CALB2: variants seen among roughly 807,000 people sequenced by gnomAD.
CALB2 encodes calretinin.
Under a neutral mutation model 45.9 loss-of-function variants are expected in CALB2, and 34 were observed. The ratio of observed to expected loss-of-function variants is 0.74; its 90% CI spans 0.56 to 0.99. CALB2 has a LOEUF of 0.99. Among genes scored for constraint, CALB2 ranks in the 50% least tolerant of loss-of-function variants. The pLI is 0.00. For synonymous variants in CALB2, 142 were observed against 129.6 expected (o/e 1.10, Z -0.65); for missense variants, 344 against 339.3 (o/e 1.01, Z -0.11).
intron 1 of CALB2, among the ~76,000 whole-genome samples, chr16:71,369,611 G>A (rs975498961): frequency 5.3e-5 from 8 of 152,048 alleles, no homozygotes; most frequent in Admixed American, 2.6e-4. Flanking sequence ...TCCTGTGTCC[G>A]CCCAGCCCTG....
intron 7 of CALB2, among the ~76,000 whole-genome samples, 155 bp from the exon 8 acceptor site, chr16:71,384,184 C>G (rs2042536357): frequency 6.6e-6 from 1 of 151,966 alleles, no homozygotes; most frequent in South Asian, 2.1e-4. Flanking sequence ...CTCACCTTGT[C>G]TGTCTCCCTC....
At chr16:71,361,215 G>C (rs762741647) in intron 1 of CALB2, among the ~76,000 whole-genome samples, 1 of 152,136 alleles carries the variant, frequency 6.6e-6, no homozygotes, top group Non-Finnish European at 1.5e-5. Context: ...GAAGTCCCAA[G>C]GAAAGGCCAT....
Position 71,377,719 on chromosome 16 carries a change from A to G in CALB2, c.314A>G (p.His105Arg). The G allele has an allele frequency of 6.2e-7, 1 of 1,614,130 alleles. No individual in the cohort carries two copies. Among genetic ancestry groups the G allele is most frequent in the Non-Finnish European group, 8.5e-7 (1 of 1,179,974 alleles). Residue 105 changes from histidine to arginine, a missense_variant, in exon 4 of 11, where the codon CAC (histidine) becomes CGC (arginine). Physicochemically the swap from His to Arg is conservative, Grantham distance 29 (BLOSUM62 0). Coordinates refer to ENST00000302628, the MANE Select transcript of CALB2 (RefSeq NM_001740.5). ...EENFLLCFRQ[H>R]VGSSAEFMEA... Reference sequence around the variant, plus strand: ...AACTTCCTTCTGTGCTTCAGGCAGCACGTGGGCTCCAGCGCCGAGTTTATG... The same window carrying G: ...AACTTCCTTCTGTGCTTCAGGCAGCGCGTGGGCTCCAGCGCCGAGTTTATG...
chr16:71,389,911 T>G lies in CALB2; in HGVS notation c.*46T>G, dbSNP rs1258655234. The stretch of plus-strand genomic sequence containing the variant: ...CTCCACCTCCCCCAAACCCTGCTTC[T>G]GCTGCCCTGATGCGTCTACCCAGAC... On this transcript the variant is annotated 3_prime_UTR_variant, in exon 11 of 11. Coordinates refer to ENST00000302628, the MANE Select transcript of CALB2 (RefSeq NM_001740.5). The G allele has an allele frequency of 2.2e-6, 3 of 1,382,194 alleles. No individual in the cohort carries two copies. In the South Asian group the frequency reaches 3.5e-5, roughly 16 times the overall value. 85.6% of individuals were successfully genotyped at this position (1,382,194 alleles called of 1,614,324 possible).
At chr16:71,365,857 G>A (rs1239985000) in intron 1 of CALB2, among the ~76,000 whole-genome samples, 3 of 151,742 alleles carry the variant, frequency 2.0e-5, no homozygotes, top group Non-Finnish European at 2.9e-5. Flanking sequence ...CACCTGCAGA[G>A]CTTTGAAAAC....
chr16:71,383,305 G>T, intron 5 of CALB2, 62 bp from the exon 6 acceptor site: 1 of 1,439,712 alleles, frequency 6.9e-7, no homozygotes, highest in Non-Finnish European at 9.7e-7. Context: ...GAGCAAGTAA[G>T]GAAATGAATG....
intron 4 of CALB2, among the ~76,000 whole-genome samples, chr16:71,381,074 T>C (rs941110985): frequency 2.7e-4 from 41 of 152,174 alleles, no homozygotes; most frequent in Non-Finnish European, 3.7e-4. Flanking sequence ...CGCTGGTGCT[T>C]TGCTCTGTGC....
chr16:71,366,216 C>T (rs112584599), intron 1 of CALB2, among the ~76,000 whole-genome samples: 4 of 149,828 alleles, frequency 2.7e-5, no homozygotes, highest in Non-Finnish European at 4.4e-5. Context: ...TTAGTAGAGA[C>T]GGGATTTCAC....
Position 71,377,685 on chromosome 16 carries a change from A to G in CALB2, c.280A>G (p.Thr94Ala). 1 of 1,613,960 alleles carries G rather than the reference A, an allele frequency of 6.2e-7. No individual in the cohort carries two copies. Among genetic ancestry groups the G allele is most frequent in the Non-Finnish European group, 8.5e-7 (1 of 1,179,870 alleles). Reference sequence around the variant, plus strand: ...TTCACAGCTGGCGCAGATCCTGCCAACCGAAGAGAACTTCCTTCTGTGCTT... The same window carrying G: ...TTCACAGCTGGCGCAGATCCTGCCAGCCGAAGAGAACTTCCTTCTGTGCTT... Reference protein sequence around the residue: ...EMAELAQILPTEENFLLCFRQ... With the variant: ...EMAELAQILPAEENFLLCFRQ... The change falls in exon 4 of 11, where the codon ACC becomes GCC. Residue 94 changes from threonine to alanine, a missense_variant. Transcript: ENST00000302628.
chr16:71,370,408 T>C (rs928392619), intron 1 of CALB2, among the ~76,000 whole-genome samples: 2 of 152,234 alleles, frequency 1.3e-5, no homozygotes, highest in Non-Finnish European at 2.9e-5. Context: ...TCAAGGGCTT[T>C]AGATCAAATT....
intron 1 of CALB2, among the ~76,000 whole-genome samples, chr16:71,359,098 C>T (rs998358194): frequency 6.6e-6 from 1 of 152,180 alleles, no homozygotes; most frequent in Admixed American, 6.5e-5. Flanking sequence ...CATAGATGAC[C>T]CAGAGCCCAC....
chr16:71,370,581 C>G (rs9922368), intron 1 of CALB2, among the ~76,000 whole-genome samples: 5 of 151,994 alleles, frequency 3.3e-5, no homozygotes, highest in Admixed American at 3.3e-4. Flanking sequence ...TTTAAGATCC[C>G]TGGGTGCCAG....
At chr16:71,370,658 C>T (rs970002560) in intron 1 of CALB2, among the ~76,000 whole-genome samples, 2 of 151,854 alleles carry the variant, frequency 1.3e-5, no homozygotes, top group Non-Finnish European at 2.9e-5. Flanking sequence ...GATTTTGGGG[C>T]GGTAGTATGT....
At chr16:71,387,115 C>G (rs1384086040) in intron 10 of CALB2, among the ~76,000 whole-genome samples, 1 of 152,216 alleles carries the variant, frequency 6.6e-6, no homozygotes, top group African/African-American at 2.4e-5. Context: ...GAGACTCTGT[C>G]TTATACCTGA....
chr16:71,390,107 G>T lies in CALB2; in HGVS notation c.*242G>T. 1 of 495,880 alleles carries T rather than the reference G, an allele frequency of 2.0e-6. No individual in the cohort carries two copies. The highest frequency in any genetic ancestry group is 3.6e-6 in the Non-Finnish European group (1 of 275,934). The allele number at this position is 495,880 out of a possible 1,614,324, so 30.7% of individuals were successfully genotyped here. On this transcript the variant is annotated 3_prime_UTR_variant, in exon 11 of 11. Coordinates refer to ENST00000302628, the MANE Select transcript of CALB2 (RefSeq NM_001740.5). ...GGATCACACACATGGAAGGTGATGG[G>T]GGCATGGGTGGAGGGTCCCTAATTC...
At chr16:71,366,949 A>T (rs2042294341) in intron 1 of CALB2, among the ~76,000 whole-genome samples, 1 of 152,086 alleles carries the variant, frequency 6.6e-6, no homozygotes, top group African/African-American at 2.4e-5. Flanking sequence ...AGAATTATTA[A>T]TATTATACCT....
At chr16:71,377,139 A>G (rs911939564) in intron 3 of CALB2, among the ~76,000 whole-genome samples, 2 of 152,156 alleles carry the variant, frequency 1.3e-5, no homozygotes, top group African/African-American at 4.8e-5. Flanking sequence ...GGGTACCTGC[A>G]TTTTTCAAAA....
chr16:71,380,437 G>T (rs1246224775), intron 4 of CALB2, among the ~76,000 whole-genome samples: 5 of 147,142 alleles, frequency 3.4e-5, no homozygotes, highest in Non-Finnish European at 7.5e-5. Flanking sequence ...GCCTCCCGCC[G>T]AGCTCGGATT....
chr16:71,382,171 A>C (rs2042506005), intron 4 of CALB2, among the ~76,000 whole-genome samples: 1 of 145,926 alleles, frequency 6.9e-6, no homozygotes, highest in African/African-American at 2.8e-5. Flanking sequence ...TAAAGGAAGG[A>C]AGGAACGAAA....
Sources: gnomAD v4.1 joint callset for allele counts (sites outside exome capture counted in the v4.1 genomes callset) on GRCh38, gnomAD v4.1.1 for gene constraint, MANE v1.5 for transcripts, NCBI Gene and HGNC (gene_info 2026-07-23, HGNC 2026-07-21) for gene names.